The following SLC6A2 variants were observed in gnomAD, a reference collection of about 807,000 sequenced individuals.
SLC6A2 encodes the protein solute carrier family 6 member 2.
SLC6A2 carries 26 observed loss-of-function variants against 71.7 expected under a neutral mutation model. The ratio of observed to expected loss-of-function variants is 0.36; its 90% confidence interval spans 0.27 to 0.50. The LOEUF (loss-of-function observed/expected upper bound fraction) is 0.50, where lower values mean the gene tolerates loss of function less well. SLC6A2 is among the 20% of genes least tolerant of loss of function. The pLI is 0.96. For synonymous variants in SLC6A2, 363 were observed against 337.9 expected (o/e 1.07, Z -0.82); for missense variants, 581 against 803.9 (o/e 0.72, Z 3.35).
chr16:55,668,942 G>GC (rs1389782554), intron 2 of SLC6A2, among the ~76,000 whole-genome samples: 2 of 152,122 alleles, frequency 1.3e-5, no homozygotes, highest in African/African-American at 4.8e-5. Context: ...TCCCTTCTCT[G>GC]CCCCTCAGTT....
intron 2 of SLC6A2, among the ~76,000 whole-genome samples, chr16:55,669,293 A>C (rs1455511656): frequency 6.6e-6 from 1 of 152,210 alleles, no homozygotes; most frequent in Non-Finnish European, 1.5e-5. Flanking sequence ...TGTGTATCAA[A>C]GGCTAGGAGA....
At position 55,685,204 on chromosome 16, in the gene SLC6A2, C is replaced by A; in HGVS notation, c.706C>A (p.Gln236Lys). ...TCATGACATCGGCCTGCCCCAGTGG[C>A]AGCTCTTGCTCTGTCTGATGGTCGT... ...GIHDIGLPQWQLLLCLMVVVI... is the reference protein window; with the variant it reads ...GIHDIGLPQWKLLLCLMVVVI... The change falls in exon 5 of 15, where the codon CAG becomes AAG. Residue 236 changes from glutamine (Q) to lysine (K), a missense_variant. Gln to Lys is a moderately conservative substitution (Grantham distance 53, BLOSUM62 1). Coordinates refer to ENST00000568943, the MANE Select transcript of SLC6A2 (RefSeq NM_001172501.3). 1.2e-6 allele frequency: 2 copies of A among 1,614,082 alleles called. No individual in the cohort carries two copies. The highest frequency in any genetic ancestry group is 1.7e-6 in the Non-Finnish European group (2 of 1,179,910).
Position 55,702,641 on chromosome 16 carries a change from G to A in SLC6A2, c.*295G>A, listed in dbSNP as rs1208472478. The A allele has an allele frequency of 1.5e-6, 2 of 1,342,846 alleles. No homozygotes were observed. Among genetic ancestry groups the A allele is most frequent in the African/African-American group, 3.0e-5 (2 of 67,168 alleles). The allele number at this position is 1,342,846 out of a possible 1,614,324, so 83.2% of individuals were successfully genotyped here. On this transcript the variant is annotated 3_prime_UTR_variant, in exon 15 of 15. Transcript: ENST00000568943. ...CACTTTGGGATCCTGCTGAAGCTAGGTTCATGAGGTCGGAAATCCCCACCA... is the reference window on the plus strand; with the variant it reads ...CACTTTGGGATCCTGCTGAAGCTAGATTCATGAGGTCGGAAATCCCCACCA...
At chr16:55,666,273 C>G (rs1260709560) in intron 2 of SLC6A2, among the ~76,000 whole-genome samples, 2 of 152,214 alleles carry the variant, frequency 1.3e-5, no homozygotes, top group Non-Finnish European at 2.9e-5. Flanking sequence ...ATGGCAGTTA[C>G]AAGCCTTGCA....
At chr16:55,692,367 G>A (rs1214059016) in intron 6 of SLC6A2, among the ~76,000 whole-genome samples, 2 of 152,142 alleles carry the variant, frequency 1.3e-5, no homozygotes, top group Admixed American at 6.5e-5. Context: ...CTCTTGCCCT[G>A]TGCCCACAGC....
Position 55,656,328 on chromosome 16 carries a change from G to C in SLC6A2, c.-52+159G>C. 1 of 378,916 alleles carries C rather than the reference G, an allele frequency of 2.6e-6. No individual in the cohort carries two copies. Among genetic ancestry groups the C allele is most frequent in the Non-Finnish European group, 5.0e-6 (1 of 200,950 alleles). The allele number at this position is 378,916 out of a possible 1,614,324, so 23.5% of individuals were successfully genotyped here. ...TGTCGCGGACCTGAGCTGGGGAGGGGGTCGGCACGCTGCCCTCAGCCTCGG... is the reference window on the plus strand; with the variant it reads ...TGTCGCGGACCTGAGCTGGGGAGGGCGTCGGCACGCTGCCCTCAGCCTCGG... On this transcript the variant is annotated intron_variant, in intron 1 of 14. Coordinates refer to ENST00000568943, the MANE Select transcript of SLC6A2 (RefSeq NM_001172501.3). The surrounding 1 kb of genome is among the most constrained non-coding windows in gnomAD (Gnocchi z 4.5).
At chr16:55,699,096 G>A (rs1341677123) in intron 11 of SLC6A2, among the ~76,000 whole-genome samples, 1 of 152,154 alleles carries the variant, frequency 6.6e-6, no homozygotes, top group Non-Finnish European at 1.5e-5. Flanking sequence ...TCCCCACCAA[G>A]TGTCACACCA....
chr16:55,692,977 T>C (rs1965683498), intron 6 of SLC6A2, among the ~76,000 whole-genome samples: 1 of 152,338 alleles, frequency 6.6e-6, no homozygotes, highest in African/African-American at 2.4e-5. Context: ...TCTGTGACTG[T>C]TTATGCCAAA....
At chr16:55,696,374 C>T (rs760679250) in intron 9 of SLC6A2, 37 bp downstream of exon 9, 4 of 1,259,736 alleles carry the variant, frequency 3.2e-6, no homozygotes, top group Admixed American at 1.7e-5. Context: ...TCCCCCATCC[C>T]ACTGGGCCTG....
At chr16:55,689,936 C>T (rs1001967804) in intron 5 of SLC6A2, among the ~76,000 whole-genome samples, 2 of 152,164 alleles carry the variant, frequency 1.3e-5, no homozygotes, top group African/African-American at 4.8e-5. Flanking sequence ...ATGTGACTAC[C>T]ACTATGCATT....
intron 2 of SLC6A2, among the ~76,000 whole-genome samples, chr16:55,663,913 G>C (rs1412197374): frequency 2.0e-5 from 3 of 152,114 alleles, no homozygotes; most frequent in African/African-American, 7.2e-5. Flanking sequence ...AAGGAGTCCT[G>C]CCCCAGGCCC....
chr16:55,703,010 C>CAT lies in SLC6A2; in HGVS notation c.*664_*665insAT. ...TTTGATGTGTGTGTTCTGGAACATTCCTCCAGCTTTTGGTGGTCAGATGGC... is the reference window on the plus strand; with the variant it reads ...TTTGATGTGTGTGTTCTGGAACATTCATCTCCAGCTTTTGGTGGTCAGATGGC... On this transcript the variant is annotated 3_prime_UTR_variant, in exon 15 of 15. Transcript: ENST00000568943. 1.0e-6 allele frequency: 1 copy of CAT among 986,516 alleles called. No homozygotes were observed. Among genetic ancestry groups the CAT allele is most frequent in the Non-Finnish European group, 1.2e-6 (1 of 830,710 alleles). The allele number at this position is 986,516 out of a possible 1,614,324, so 61.1% of individuals were successfully genotyped here.
At chr16:55,683,887 T>C (rs1297977433) in intron 4 of SLC6A2, among the ~76,000 whole-genome samples, 1 of 152,064 alleles carries the variant, frequency 6.6e-6, no homozygotes, top group East Asian at 1.9e-4. Context: ...TTAGGTCAGT[T>C]TTGCCTGTTG....
At chr16:55,670,253 A>G (rs923582965) in intron 3 of SLC6A2, among the ~76,000 whole-genome samples, 7 of 152,144 alleles carry the variant, frequency 4.6e-5, no homozygotes, top group Non-Finnish European at 7.4e-5. Context: ...AGTCTCTCCC[A>G]AGCACTGGTT....
At chr16:55,669,862 T>C (rs1467757427) in intron 3 of SLC6A2, among the ~76,000 whole-genome samples, 166 bp downstream of exon 3, 1 of 152,172 alleles carries the variant, frequency 6.6e-6, no homozygotes, top group Non-Finnish European at 1.5e-5. Flanking sequence ...GTGGAGAGCA[T>C]TCAGTGTGTT....
chr16:55,674,403 A>G (rs1237051562), intron 4 of SLC6A2, among the ~76,000 whole-genome samples: 1 of 151,808 alleles, frequency 6.6e-6, no homozygotes, highest in African/African-American at 2.4e-5. Flanking sequence ...TCCATGGTAT[A>G]TATGTACCAC....
rs139279432 is a variant in SLC6A2, at chr16:55,695,522, C to T, written c.1147+120C>T. The T allele has an allele frequency of 3.1e-4, 344 of 1,094,162 alleles. 1 individual carries two copies. In the Middle Eastern group the frequency reaches 4.2e-3, roughly 13 times the overall value. 67.8% of individuals were successfully genotyped at this position (1,094,162 alleles called of 1,614,324 possible). ...AATACTGGGTTGTCCATGGAGGTGT[C>T]CAAACCACCCATGTGATTGACTTTC... On this transcript the variant is annotated intron_variant, in intron 8 of 14. Coordinates refer to ENST00000568943, the MANE Select transcript of SLC6A2 (RefSeq NM_001172501.3).
chr16:55,702,370 A>AC lies in SLC6A2; in HGVS notation c.*29dup, dbSNP rs1965999267. 2.5e-6 allele frequency: 4 copies of AC among 1,613,792 alleles called. No homozygotes were observed. Among genetic ancestry groups the AC allele is most frequent in the Non-Finnish European group, 1.7e-6 (2 of 1,179,976 alleles). ...GAGCCTGCCTGGAGGAGAAGGAGGAACCCCCATGCCAATGTCCAGGTCACA... is the reference window on the plus strand; with the variant it reads ...GAGCCTGCCTGGAGGAGAAGGAGGAACCCCCCATGCCAATGTCCAGGTCACA... On this transcript the variant is annotated 3_prime_UTR_variant, in exon 15 of 15. Coordinates refer to ENST00000568943, the MANE Select transcript of SLC6A2 (RefSeq NM_001172501.3).
chr16:55,683,948 T>G (rs1596988881), intron 4 of SLC6A2, among the ~76,000 whole-genome samples: 1 of 152,162 alleles, frequency 6.6e-6, no homozygotes, highest in Admixed American at 6.5e-5. Context: ...TGGCTTTGAC[T>G]TCTTTCTCTC....
Sources: gnomAD v4.1 joint callset for allele counts (sites outside exome capture counted in the v4.1 genomes callset) on GRCh38, gnomAD v4.1.1 for gene constraint, Gnocchi (gnomAD v3.1) non-coding constraint, MANE v1.5 for transcripts, NCBI Gene and HGNC (gene_info 2026-07-23, HGNC 2026-07-21) for gene names.